PAPPA2: variants seen among roughly 807,000 people sequenced by gnomAD.
PAPPA2 encodes pappalysin-2.
A neutral mutation model predicts 176.4 loss-of-function variants in PAPPA2; 86 were observed. The ratio of observed to expected loss-of-function variants is 0.49; its 90% CI spans 0.41 to 0.58. PAPPA2 has a LOEUF of 0.58. Ranked by LOEUF, PAPPA2 falls within the 20% of genes least tolerant of loss-of-function variation. The pLI is 0.00. For synonymous variants in PAPPA2, 809 were observed against 852.2 expected, an observed-to-expected ratio of 0.95 and a Z score of 0.88; for missense variants, 2,073 against 2,256.9, an observed-to-expected ratio of 0.92 and a Z score of 1.65.
intron 1 of PAPPA2, among the ~76,000 whole-genome samples, chr1:176,537,719 A>AGTGTGTGTGTGTGTGTGT (rs57602344): frequency 7.6e-5 from 11 of 143,828 alleles, no homozygotes; most frequent in African/African-American, 1.8e-4. Flanking sequence ...GTAGGTATGG[A>AGTGTGTGTGTGTGTGTGT]GTGTGTGTGT....
intron 1 of PAPPA2, among the ~76,000 whole-genome samples, chr1:176,550,727 A>T (rs769638556): frequency 2.0e-5 from 3 of 152,230 alleles, no homozygotes; most frequent in Non-Finnish European, 4.4e-5. Flanking sequence ...AAAAATGAAT[A>T]TCTGACATAC....
chr1:176,824,113 G>A (rs904022466), intron 21 of PAPPA2, among the ~76,000 whole-genome samples: 4 of 152,304 alleles, frequency 2.6e-5, no homozygotes, highest in Admixed American at 1.3e-4. Context: ...TGACAGTACC[G>A]TGGGCTTGCC....
At chr1:176,699,654 C>T in intron 8 of PAPPA2, 65 bp downstream of exon 8, 3 of 1,520,820 alleles carry the variant, frequency 2.0e-6, no homozygotes, top group Non-Finnish European at 2.6e-6. Flanking sequence ...TTACTTTTCC[C>T]CCACTTTTTA....
chr1:176,507,393 C>G (rs1648335334), intron 1 of PAPPA2, among the ~76,000 whole-genome samples: 1 of 152,120 alleles, frequency 6.6e-6, no homozygotes, highest in Non-Finnish European at 1.5e-5. Flanking sequence ...TCTTAAAGAA[C>G]ATAAAACAGA....
At chr1:176,711,800 C>A in intron 11 of PAPPA2, 35 bp from the exon 12 acceptor site, 1 of 1,580,268 alleles carries the variant, frequency 6.3e-7, no homozygotes. Context: ...CTTCACACTC[C>A]ACACTTCAAA....
chr1:176,588,711 G>A (rs1014810961), intron 2 of PAPPA2, among the ~76,000 whole-genome samples: 1 of 152,204 alleles, frequency 6.6e-6, no homozygotes, highest in African/African-American at 2.4e-5. Context: ...GGATGTGAGT[G>A]CACATAATGT....
intron 15 of PAPPA2, among the ~76,000 whole-genome samples, chr1:176,768,212 C>T (rs571466141): frequency 6.6e-6 from 1 of 152,042 alleles, no homozygotes; most frequent in Admixed American, 6.6e-5. Context: ...ACATTCCCCC[C>T]ACCCTAGACA....
At chr1:176,662,848 G>T (rs1658432204) in intron 3 of PAPPA2, among the ~76,000 whole-genome samples, 1 of 152,210 alleles carries the variant, frequency 6.6e-6, no homozygotes, top group Admixed American at 6.6e-5. Flanking sequence ...TGAAATTTTA[G>T]TGTTATCAGC....
chr1:176,638,989 G>A lies in PAPPA2; in HGVS notation c.1992-31981G>A, dbSNP rs77132241. ...GTGTGTGTATGTGTTTGTAGGGGAG[G>A]CAAGTGGAGAATGCTAAAGGTCCAA... On this transcript the variant is annotated intron_variant, in intron 3 of 22. Transcript: ENST00000367662. 2.4e-3 allele frequency among the ~76,000 whole-genome samples: 368 copies of A among 150,360 alleles called. 1 individual carries two copies. Among genetic ancestry groups the A allele is most frequent in the African/African-American group, 7.6e-3 (312 of 41,072 alleles).
intron 14 of PAPPA2, among the ~76,000 whole-genome samples, chr1:176,745,633 A>G (rs1662871023): frequency 6.6e-6 from 1 of 152,230 alleles, no homozygotes; most frequent in Non-Finnish European, 1.5e-5. Flanking sequence ...AACTCTAACA[A>G]ATAAAAGAAT....
At chr1:176,473,815 A>T (rs894180713) in intron 1 of PAPPA2, among the ~76,000 whole-genome samples, 1 of 152,116 alleles carries the variant, frequency 6.6e-6, no homozygotes, top group African/African-American at 2.4e-5. Flanking sequence ...ATGCTTATTT[A>T]CCATCTCCTC....
At chr1:176,741,010 G>C (rs1207085537) in intron 14 of PAPPA2, among the ~76,000 whole-genome samples, 2 of 152,100 alleles carry the variant, frequency 1.3e-5, no homozygotes, top group African/African-American at 4.8e-5. Context: ...GTGCCACAAA[G>C]CTCATTCAAG....
At chr1:176,710,222 A>C (rs1308796653) in intron 11 of PAPPA2, 46 bp downstream of exon 11, 1 of 1,541,126 alleles carries the variant, frequency 6.5e-7, no homozygotes, top group East Asian at 2.3e-5. Flanking sequence ...CAAAATTGTA[A>C]AGTGACTCCC....
In PAPPA2 at chr1:176,710,186, G is replaced by A. The variant is rs765960544; in HGVS notation, c.3651+10G>A. The A allele has an allele frequency of 6.2e-7, 1 of 1,612,164 alleles. No individual in the cohort carries two copies. Among genetic ancestry groups the A allele is most frequent in the Non-Finnish European group, 8.5e-7 (1 of 1,178,956 alleles). The stretch of plus-strand genomic sequence containing the variant: ...AGAACCTCATTCCCTAGTAAGTTAA[G>A]CCAGATGAATAGAGTCGAGCCTGCG... On this transcript the variant is annotated intron_variant, in intron 11 of 22. Transcript: ENST00000367662.
intron 3 of PAPPA2, among the ~76,000 whole-genome samples, chr1:176,633,559 A>G (rs1329644225): frequency 6.6e-6 from 1 of 152,206 alleles, no homozygotes; most frequent in African/African-American, 2.4e-5. Flanking sequence ...TATTTAATAT[A>G]AGAAAATACC....
intron 17 of PAPPA2, among the ~76,000 whole-genome samples, chr1:176,777,834 A>C (rs1283618806): frequency 6.6e-6 from 1 of 152,086 alleles, no homozygotes; most frequent in Non-Finnish European, 1.5e-5. Context: ...CATCACCATC[A>C]TCATTATCAT....
intron 3 of PAPPA2, among the ~76,000 whole-genome samples, chr1:176,665,033 C>T (rs1375567549): frequency 6.6e-6 from 1 of 152,086 alleles, no homozygotes; most frequent in Non-Finnish European, 1.5e-5. Flanking sequence ...GCGTTTTCTA[C>T]TTGTGTCATA....
chr1:176,774,732 A>G (rs914287621), intron 17 of PAPPA2, among the ~76,000 whole-genome samples: 5 of 151,872 alleles, frequency 3.3e-5, no homozygotes, highest in African/African-American at 1.2e-4. Context: ...CCCCACATGA[A>G]AATGAATGAC....
intron 2 of PAPPA2, among the ~76,000 whole-genome samples, chr1:176,580,275 C>G (rs1251344700): frequency 6.6e-6 from 1 of 152,166 alleles, no homozygotes; most frequent in African/African-American, 2.4e-5. Context: ...ACTTTCTGTT[C>G]CTGGCTTATT....
Sources: gnomAD v4.1 joint callset for allele counts (sites outside exome capture counted in the v4.1 genomes callset) on GRCh38, gnomAD v4.1.1 for gene constraint, MANE v1.5 for transcripts, NCBI Gene and HGNC (gene_info 2026-07-23, HGNC 2026-07-21) for gene names.